Variants in ZBTB20 observed in about 807,000 individuals in gnomAD.
The protein encoded by ZBTB20 is zinc finger and BTB domain containing 20.
A neutral mutation model predicts 56.9 loss-of-function variants in ZBTB20; 9 were observed. The observed-to-expected ratio is 0.16, with a 90% CI of 0.10 to 0.28. ZBTB20 has a LOEUF of 0.28. ZBTB20 is among the 10% of genes least tolerant of loss of function. The pLI is 1.00. For synonymous variants in ZBTB20, 417 were observed against 420.7 expected, an observed-to-expected ratio of 0.99 and a Z score of 0.11; for missense variants, 655 against 1,003.0, an observed-to-expected ratio of 0.65 and a Z score of 4.69.
At chr3:114,961,507 A>G (rs1303404848) in intron 3 of ZBTB20, among the ~76,000 whole-genome samples, 1 of 152,188 alleles carries the variant, frequency 6.6e-6, no homozygotes, top group Non-Finnish European at 1.5e-5. Flanking sequence ...TGATAAAACA[A>G]GAACATTAGG....
intron 1 of ZBTB20, among the ~76,000 whole-genome samples, chr3:115,079,379 CTTATTTAT>C (rs150432470): frequency 5.4e-5 from 8 of 149,458 alleles, no homozygotes; most frequent in African/African-American, 9.9e-5. Flanking sequence ...TCAAGTCTTT[CTTATTTAT>C]TTATTTATTT....
intron 6 of ZBTB20, among the ~76,000 whole-genome samples, chr3:114,546,116 C>A (rs986977798): frequency 7.9e-5 from 12 of 152,198 alleles, no homozygotes; most frequent in African/African-American, 2.4e-4. Flanking sequence ...GCTGGCACAA[C>A]TAGAGTAAAT....
chr3:114,448,605 T>C (rs1431426917), intron 7 of ZBTB20, among the ~76,000 whole-genome samples: 8 of 152,140 alleles, frequency 5.3e-5, no homozygotes, highest in African/African-American at 1.9e-4. Flanking sequence ...CCATACTCTT[T>C]CTAGATTGGG....
intron 7 of ZBTB20, among the ~76,000 whole-genome samples, chr3:114,413,185 A>G (rs1008676070): frequency 6.6e-6 from 1 of 152,190 alleles, no homozygotes; most frequent in Non-Finnish European, 1.5e-5. Flanking sequence ...ATTTCTATTT[A>G]TAATGATAAA....
At chr3:114,849,751 CTT>C (rs2074901294) in intron 4 of ZBTB20, among the ~76,000 whole-genome samples, 2 of 152,002 alleles carry the variant, frequency 1.3e-5, no homozygotes, top group African/African-American at 4.8e-5. Context: ...AGCAAAAAGA[CTT>C]TACAAAAACA....
intron 6 of ZBTB20, among the ~76,000 whole-genome samples, chr3:114,574,581 T>A (rs750365176): frequency 2.6e-5 from 4 of 152,206 alleles, no homozygotes; most frequent in African/African-American, 4.8e-5. Flanking sequence ...TGACTGAACA[T>A]ATATCTCAAT....
chr3:114,567,258 A>G (rs572276092), intron 6 of ZBTB20, among the ~76,000 whole-genome samples: 1 of 152,340 alleles, frequency 6.6e-6, no homozygotes, highest in Non-Finnish European at 1.5e-5. Flanking sequence ...CTAATGATGG[A>G]CATTTCTAGC....
intron 7 of ZBTB20, among the ~76,000 whole-genome samples, chr3:114,417,658 ATTGCTC>A (rs2088707672): frequency 1.3e-5 from 2 of 152,046 alleles, no homozygotes; most frequent in Non-Finnish European, 2.9e-5. Flanking sequence ...CTATCTGGGA[ATTGCTC>A]TTAGTGATCA....
At position 114,398,567 on chromosome 3, in the gene ZBTB20, G is replaced by A. The variant is rs547744676; in HGVS notation, c.-254-9462C>T. On this transcript the variant is annotated intron_variant, in intron 7 of 11. Transcript: ENST00000675478. ...GATACAGAAGAGCAAAGGCAGCTCC[G>A]TTCTTAGGTGAAAGTAAGAATTTGC... Among the ~76,000 whole-genome samples, 29 of 152,188 alleles carry A rather than the reference G, an allele frequency of 1.9e-4. No individual in the cohort carries two copies. In the East Asian group the frequency reaches 4.3e-3, roughly 22 times the overall value.
intron 5 of ZBTB20, among the ~76,000 whole-genome samples, chr3:114,744,891 C>T (rs2066912290): frequency 6.6e-6 from 1 of 151,584 alleles, no homozygotes; most frequent in Non-Finnish European, 1.5e-5. Context: ...TGCAAAGAGC[C>T]TAGAAAAAGA....
Position 114,326,973 on chromosome 3 carries a change from G to C in ZBTB20, c.*12032C>G, listed in dbSNP as rs2079084580. 6.6e-6 allele frequency: 1 copy of C among 152,100 alleles called. No individual in the cohort carries two copies. Among genetic ancestry groups the C allele is most frequent in the African/African-American group, 2.4e-5 (1 of 41,418 alleles). The allele number at this position is 152,100 out of a possible 1,614,324, so 9.4% of individuals were successfully genotyped here. A position where few individuals can be genotyped will look rare whatever the true frequency, so the allele number is the denominator to read the frequency against. ...TATGTGTGTGTGTTGCAGAGGGAGA[G>C]GGGAGCAAAGCAAGCTTTTCCTGGA... On this transcript the variant is annotated 3_prime_UTR_variant, in exon 12 of 12. Coordinates refer to ENST00000675478, the MANE Select transcript of ZBTB20 (RefSeq NM_001348800.3).
chr3:114,678,986 G>A (rs1403722168), intron 6 of ZBTB20, among the ~76,000 whole-genome samples: 1 of 152,122 alleles, frequency 6.6e-6, no homozygotes, highest in Non-Finnish European at 1.5e-5. Context: ...CATGCATTGA[G>A]GTAAGGTCCT....
At chr3:115,039,034 T>C (rs1056533672) in intron 2 of ZBTB20, among the ~76,000 whole-genome samples, 5 of 152,176 alleles carry the variant, frequency 3.3e-5, no homozygotes, top group Middle Eastern at 3.4e-3. Context: ...TAAGAGGAGA[T>C]AGCATCTCCA....
chr3:114,349,852 G>A (rs1210578100), intron 11 of ZBTB20, among the ~76,000 whole-genome samples: 1 of 152,206 alleles, frequency 6.6e-6, no homozygotes, highest in Non-Finnish European at 1.5e-5. Flanking sequence ...CTGAAGTATA[G>A]ACAAGTTAAG....
At chr3:115,132,610 A>G (rs2084538870) in intron 1 of ZBTB20, among the ~76,000 whole-genome samples, 1 of 152,132 alleles carries the variant, frequency 6.6e-6, no homozygotes, top group African/African-American at 2.4e-5. Flanking sequence ...GGATTTAACA[A>G]TTTAGGCCAT....
chr3:114,583,736 G>A (rs1018613865), intron 6 of ZBTB20, among the ~76,000 whole-genome samples: 2 of 152,202 alleles, frequency 1.3e-5, no homozygotes, highest in African/African-American at 4.8e-5. Context: ...CTGTTGAAAT[G>A]TATATTCCTT....
chr3:114,455,512 GTAA>G (rs901825133), intron 7 of ZBTB20, among the ~76,000 whole-genome samples: 16 of 152,242 alleles, frequency 1.1e-4, no homozygotes, highest in African/African-American at 3.6e-4. Flanking sequence ...GGGTTTTCGT[GTAA>G]TGTGTGAAAG....
At chr3:115,126,443 G>A (rs1401732098) in intron 1 of ZBTB20, among the ~76,000 whole-genome samples, 3 of 152,012 alleles carry the variant, frequency 2.0e-5, no homozygotes, top group Middle Eastern at 3.2e-3. Context: ...CACAATAAAA[G>A]GGAAACAACT....
At chr3:114,477,386 G>T (rs895397113) in intron 7 of ZBTB20, among the ~76,000 whole-genome samples, 4 of 151,938 alleles carry the variant, frequency 2.6e-5, no homozygotes, top group Non-Finnish European at 4.4e-5. Context: ...ATGCTTAAAG[G>T]TGAATTAATG....
Sources: allele counts gnomAD v4.1 joint callset (sites outside exome capture counted in the v4.1 genomes callset), GRCh38; gene constraint gnomAD v4.1.1; transcripts MANE v1.5; gene names NCBI Gene and HGNC (gene_info 2026-07-23, HGNC 2026-07-21).